Variants in SLC6A3 observed in about 807,000 individuals in gnomAD.
The protein encoded by SLC6A3 is sodium-dependent dopamine transporter.
In SLC6A3, 19 loss-of-function variants were observed where a neutral mutation model predicts 70.4. The ratio of observed to expected loss-of-function variants is 0.27; its 90% CI spans 0.19 to 0.40. SLC6A3 has a LOEUF of 0.40. SLC6A3 is among the 10% of genes least tolerant of loss of function. The pLI is 1.00. For synonymous variants in SLC6A3, 368 were observed against 356.6 expected (o/e 1.03, Z -0.36); for missense variants, 613 against 838.5 (o/e 0.73, Z 3.32).
chr5:1,439,978 C>G (rs1225014550), intron 3 of SLC6A3, among the ~76,000 whole-genome samples: 3 of 152,202 alleles, frequency 2.0e-5, no homozygotes, highest in African/African-American at 7.2e-5. Flanking sequence ...TTCCCAGGGT[C>G]TCATGAAGAT....
chr5:1,432,907 A>G (rs1414841803), intron 3 of SLC6A3, among the ~76,000 whole-genome samples: 1 of 152,116 alleles, frequency 6.6e-6, no homozygotes, highest in Non-Finnish European at 1.5e-5. Context: ...ACAGAGAAGA[A>G]GCTGCCCACT....
intron 6 of SLC6A3, among the ~76,000 whole-genome samples, chr5:1,419,298 T>C (rs2126365238): frequency 7.1e-6 from 1 of 140,936 alleles, no homozygotes; most frequent in Non-Finnish European, 1.5e-5. Context: ...CATCCATCCA[T>C]CCTATCCACC....
rs1327289329 is a variant in SLC6A3, at chr5:1,401,459, A to G, written c.1768-473T>C. Among the ~76,000 whole-genome samples, 1 of 152,116 alleles carries G rather than the reference A, an allele frequency of 6.6e-6. No homozygotes were observed. Among genetic ancestry groups the G allele is most frequent in the Non-Finnish European group, 1.5e-5 (1 of 68,012 alleles). ...TGAACGCTGAACGTGCCTTCCTTCC[A>G]CTGCCCGCTGCGGCAGCTCCTGGGG... On this transcript the variant is annotated intron_variant, in intron 13 of 14. Coordinates refer to ENST00000270349, the MANE Select transcript of SLC6A3 (RefSeq NM_001044.5). The surrounding 1 kb of genome is among the most constrained non-coding windows in gnomAD (Gnocchi z 6.1).
intron 3 of SLC6A3, among the ~76,000 whole-genome samples, chr5:1,439,341 T>TGGGGGG (rs1553989145): frequency 2.6e-4 from 4 of 15,348 alleles, no homozygotes; most frequent in Non-Finnish European, 2.8e-4. Flanking sequence ...GGGGTGGGGG[T>TGGGGGG]GGGGAGGGAG....
rs1007623936 is a variant in SLC6A3 at position 1,404,858 on chromosome 5, C to T, written c.1599+1330G>A. ...ACGAAGTGTGTTTCTGTATGAAGTT[C>T]GAAGATTTAGTCTAAGATCAGTAGA... On this transcript the variant is annotated intron_variant, in intron 12 of 14. Transcript: ENST00000270349. This position sits in a 1 kb window ranked among gnomAD's most constrained non-coding sequence, Gnocchi z 5.2. 3.3e-5 allele frequency among the ~76,000 whole-genome samples: 5 copies of T among 152,170 alleles called. No homozygotes were observed. Among genetic ancestry groups the T allele is most frequent in the Admixed American group, 6.5e-5 (1 of 15,288 alleles).
At chr5:1,429,191 T>G (rs1422763149) in intron 4 of SLC6A3, among the ~76,000 whole-genome samples, 1 of 152,218 alleles carries the variant, frequency 6.6e-6, no homozygotes, top group African/African-American at 2.4e-5. Flanking sequence ...ACGTTATGAC[T>G]GTCCTCCCTG....
chr5:1,399,873 G>A (rs1170813342), intron 14 of SLC6A3, among the ~76,000 whole-genome samples: 2 of 152,174 alleles, frequency 1.3e-5, no homozygotes, highest in South Asian at 2.1e-4. Flanking sequence ...TCTGCCTGAC[G>A]TCACCACCCA....
At chr5:1,424,336 C>T (rs1337060225) in intron 4 of SLC6A3, among the ~76,000 whole-genome samples, 1 of 152,216 alleles carries the variant, frequency 6.6e-6, no homozygotes, top group African/African-American at 2.4e-5. Context: ...CTTCTCACTC[C>T]TCCTGCCACA....
At chr5:1,420,844 G>C (rs569280914) in intron 5 of SLC6A3, 141 bp from the exon 6 acceptor site, 1 of 856,338 alleles carries the variant, frequency 1.2e-6, no homozygotes, top group African/African-American at 1.7e-5. Context: ...TGGGACGCCA[G>C]CTCAGCAAAT....
chr5:1,440,175 A>G (rs1279207761), intron 3 of SLC6A3, among the ~76,000 whole-genome samples: 1 of 152,218 alleles, frequency 6.6e-6, no homozygotes, highest in Non-Finnish European at 1.5e-5. Context: ...TAATCCATAC[A>G]TAGATGAATG....
Position 1,411,827 on chromosome 5 carries a change from GACACACATACCATGCAACATACAC to G in SLC6A3, c.1157-496_1157-473del, listed in dbSNP as rs1756133838. ...ACATACCATGCAACATACACACTCA[GACACACATACCATGCAACATACAC>G]ACTCAGACACACATACCATGCAACA... On this transcript the variant is annotated intron_variant, in intron 8 of 14. Coordinates refer to ENST00000270349, the MANE Select transcript of SLC6A3 (RefSeq NM_001044.5). The surrounding 1 kb of genome is among the most constrained non-coding windows in gnomAD (Gnocchi z 6.5). Among the ~76,000 whole-genome samples the G allele has an allele frequency of 2.7e-5, 4 of 148,226 alleles. No individual in the cohort carries two copies.
chr5:1,420,442 C>T, intron 6 of SLC6A3, 127 bp downstream of exon 6: 1 of 1,100,754 alleles, frequency 9.1e-7, no homozygotes, highest in Non-Finnish European at 1.4e-6. Context: ...TGGGATTTGG[C>T]TTCCCGAGGA....
rs1756408478 is a variant in SLC6A3 at position 1,420,555 on chromosome 5, C to A, written c.927+14G>T. On this transcript the variant is annotated intron_variant, in intron 6 of 14. Coordinates refer to ENST00000270349, the MANE Select transcript of SLC6A3 (RefSeq NM_001044.5). Reference sequence around the variant, plus strand: ...CCCCTGTGGACTGTGAAGCAGTGAGCAGACTGTACTCACAGACGCCTCGCA... The same window carrying A: ...CCCCTGTGGACTGTGAAGCAGTGAGAAGACTGTACTCACAGACGCCTCGCA... 3 of 1,612,776 alleles carry A rather than the reference C, an allele frequency of 1.9e-6. No homozygotes were observed. The highest frequency in any genetic ancestry group is 2.5e-6 in the Non-Finnish European group (3 of 1,179,844).
intron 4 of SLC6A3, among the ~76,000 whole-genome samples, chr5:1,425,189 T>A (rs571948316): frequency 6.6e-6 from 1 of 152,344 alleles, no homozygotes; most frequent in South Asian, 2.1e-4. Context: ...TGGGTGACAG[T>A]GGAGCCACTG....
At position 1,402,324 on chromosome 5, in the gene SLC6A3, A is replaced by C. The variant is rs1755868922; in HGVS notation, c.1767+598T>G. Among the ~76,000 whole-genome samples, 1 of 151,380 alleles carries C rather than the reference A, an allele frequency of 6.6e-6. No homozygotes were observed. The highest frequency in any genetic ancestry group is 1.5e-5 in the Non-Finnish European group (1 of 67,896). On this transcript the variant is annotated intron_variant, in intron 13 of 14. Transcript: ENST00000270349. This position sits in a 1 kb window ranked among gnomAD's most constrained non-coding sequence, Gnocchi z 8.5. ...ACTGGTCCACCTGCCTTTCTTCTAC[A>C]CAAAGGCGGCAAAACCAAGCAGAAG...
rs759828635 is a variant in SLC6A3 at position 1,440,655 on chromosome 5, A to C, written c.418+704T>G. Among the ~76,000 whole-genome samples, 3 of 152,248 alleles carry C rather than the reference A, an allele frequency of 2.0e-5. No individual in the cohort carries two copies. In the South Asian group the frequency reaches 6.2e-4, roughly 31 times the overall value. ...AGGTCATTAGGGTGTCCCTAATCCA[A>C]CAGGACTTCTGGCCTCATAAAAACG... On this transcript the variant is annotated intron_variant, in intron 3 of 14. Transcript: ENST00000270349.
In SLC6A3 at chr5:1,420,620, G is replaced by T. The variant is rs146615804; in HGVS notation, c.876C>A (p.Asp292Glu). The change falls in exon 6 of 15, where the codon GAC becomes GAA. Residue 292 changes from aspartate (D) to glutamate (E), a missense_variant. Asp to Glu is a conservative substitution (Grantham distance 45). Coordinates refer to ENST00000270349, the MANE Select transcript of SLC6A3 (RefSeq NM_001044.5). ...LRGVTLPGAI[D>E]GIRAYLSVDF... ...CAACGCTCAGGTATGCTCTGATGCC[G>T]TCTATGGCTCCAGGGAGGGTGACCC... The T allele has an allele frequency of 1.6e-5, 26 of 1,613,530 alleles. No homozygotes were observed. In the South Asian group the frequency reaches 1.9e-4, roughly 12 times the overall value.
At chr5:1,431,057 C>T (rs966232465) in intron 4 of SLC6A3, among the ~76,000 whole-genome samples, 2 of 151,190 alleles carry the variant, frequency 1.3e-5, no homozygotes, top group African/African-American at 2.4e-5. Context: ...TGGGGAGAAT[C>T]GCGCAAACGT....
rs1755880750 is a variant in SLC6A3, at chr5:1,402,808, C to T, written c.1767+114G>A. ...CAGTGTTGTGGTGGCCACCTCCAGTCTCCTCCTCTTGGTCACAGATGACCC... is the reference window on the plus strand; with the variant it reads ...CAGTGTTGTGGTGGCCACCTCCAGTTTCCTCCTCTTGGTCACAGATGACCC... On this transcript the variant is annotated intron_variant, in intron 13 of 14. Transcript: ENST00000270349. This position sits in a 1 kb window ranked among gnomAD's most constrained non-coding sequence, Gnocchi z 8.5. The T allele has an allele frequency of 1.8e-6, 2 of 1,097,944 alleles. No homozygotes were observed. Among genetic ancestry groups the T allele is most frequent in the Non-Finnish European group, 2.7e-6 (2 of 735,450 alleles). 68.0% of individuals were successfully genotyped at this position (1,097,944 alleles called of 1,614,324 possible).
Sources: gnomAD v4.1 joint callset for allele counts (sites outside exome capture counted in the v4.1 genomes callset) on GRCh38, gnomAD v4.1.1 for gene constraint, Gnocchi (gnomAD v3.1) non-coding constraint, MANE v1.5 for transcripts, NCBI Gene and HGNC (gene_info 2026-07-23, HGNC 2026-07-21) for gene names.